Variants in AGPS observed in about 807,000 individuals in gnomAD.
The protein encoded by AGPS is alkyldihydroxyacetonephosphate synthase, peroxisomal.
AGPS carries 26 observed loss-of-function variants against 90.7 expected under a neutral mutation model. The observed-to-expected ratio is 0.29, with a 90% confidence interval of 0.21 to 0.40. The LOEUF (loss-of-function observed/expected upper bound fraction) is 0.40, where lower values mean the gene tolerates loss of function less well. Among genes scored for constraint, AGPS ranks in the 10% least tolerant of loss-of-function variants. The pLI is 1.00. For synonymous variants in AGPS, 294 were observed against 285.3 expected (o/e 1.03, Z -0.31); for missense variants, 540 against 816.1 (o/e 0.66, Z 4.12).
At chr2:177,397,253 A>G (rs533073657) in intron 1 of AGPS, among the ~76,000 whole-genome samples, 4 of 152,038 alleles carry the variant, frequency 2.6e-5, no homozygotes, top group Admixed American at 6.5e-5. Flanking sequence ...AATTACTTCT[A>G]TCCCGGAACA....
At chr2:177,441,311 A>T (rs1297241853) in intron 6 of AGPS, 5 of 374,168 alleles carry the variant, frequency 1.3e-5, no homozygotes, top group African/African-American at 8.4e-5. Flanking sequence ...CTGCTTTAGT[A>T]ATTACTTTTT....
intron 12 of AGPS, 110 bp from the exon 13 acceptor site, chr2:177,497,579 T>C (rs1266191120): frequency 8.5e-6 from 4 of 468,332 alleles, no homozygotes; most frequent in Admixed American, 8.0e-5. Context: ...TTTTAAAAAT[T>C]AAAGTTGTGA....
intron 1 of AGPS, among the ~76,000 whole-genome samples, chr2:177,405,023 C>G (rs1685427869): frequency 6.6e-6 from 1 of 152,028 alleles, no homozygotes; most frequent in African/African-American, 2.4e-5. Context: ...GCCAAAGAAC[C>G]CAAGGGTAAG....
chr2:177,532,412 A>G (rs921094202), intron 19 of AGPS, among the ~76,000 whole-genome samples: 1 of 152,190 alleles, frequency 6.6e-6, no homozygotes, highest in South Asian at 2.1e-4. Context: ...CACAGGAGAT[A>G]TCACTACACA....
chr2:177,420,477 G>A, intron 2 of AGPS, 119 bp downstream of exon 2: 1 of 758,272 alleles, frequency 1.3e-6, no homozygotes, highest in Admixed American at 2.1e-5. Flanking sequence ...TCAACATTTT[G>A]CCATAACTGC....
chr2:177,404,530 A>G (rs1685414276), intron 1 of AGPS, among the ~76,000 whole-genome samples: 1 of 152,116 alleles, frequency 6.6e-6, no homozygotes, highest in African/African-American at 2.4e-5. Flanking sequence ...CACAATACTC[A>G]TTAGTGTACC....
chr2:177,449,476 GC>G (rs1169832428), intron 8 of AGPS, among the ~76,000 whole-genome samples: 1 of 152,220 alleles, frequency 6.6e-6, no homozygotes, highest in Non-Finnish European at 1.5e-5. Context: ...GAGCTGGAGT[GC>G]AGTGGCACGA....
At position 177,468,474 on chromosome 2, in the gene AGPS, C is replaced by G; in HGVS notation, c.1055C>G (p.Pro352Arg). The change falls in exon 10 of 20, where the codon CCT becomes CGT. Residue 352 changes from proline to arginine, a missense_variant. By Grantham distance (103) the Pro-to-Arg change is moderately radical. Coordinates refer to ENST00000264167, the MANE Select transcript of AGPS (RefSeq NM_003659.4). ...ATAATAGAAAAAAGCTGTCAAGGAC[C>G]TCGTATGTCAACAGGCCCTGATATC... ...RGIIEKSCQG[P>R]RMSTGPDIHH... 6.2e-7 allele frequency: 1 copy of G among 1,612,522 alleles called. No individual in the cohort carries two copies. Among genetic ancestry groups the G allele is most frequent in the Non-Finnish European group, 8.5e-7 (1 of 1,179,174 alleles).
At position 177,540,144 on chromosome 2, in the gene AGPS, A is replaced by G. The variant is rs563600280; in HGVS notation, c.*1949A>G. 16 of 151,140 alleles carry G rather than the reference A, an allele frequency of 1.1e-4. 1 individual carries two copies. In the South Asian group the frequency reaches 1.9e-3, roughly 18 times the overall value. 9.4% of individuals were successfully genotyped at this position (151,140 alleles called of 1,614,324 possible). ...AAAAATAAAACAGGTTAATAAGAAG[A>G]TCCATTCCTTTGCATGTGATTGTTA... On this transcript the variant is annotated 3_prime_UTR_variant, in exon 20 of 20. Coordinates refer to ENST00000264167, the MANE Select transcript of AGPS (RefSeq NM_003659.4).
At chr2:177,537,460 C>T (rs1216802051) in intron 19 of AGPS, among the ~76,000 whole-genome samples, 1 of 151,914 alleles carries the variant, frequency 6.6e-6, no homozygotes, top group African/African-American at 2.4e-5. Flanking sequence ...AATTCTAAAT[C>T]TGGAAAAACA....
chr2:177,393,673 G>C (rs1177118015), intron 1 of AGPS: 38 of 645,704 alleles, frequency 5.9e-5, no homozygotes, highest in Non-Finnish European at 7.1e-5. Context: ...TGTGTAACCA[G>C]AAGCTAAAAG....
intron 10 of AGPS, among the ~76,000 whole-genome samples, chr2:177,468,788 AGTG>A (rs573137133): frequency 1.1e-3 from 161 of 152,108 alleles, no homozygotes; most frequent in African/African-American, 2.6e-3. Context: ...TTTCAGGAAA[AGTG>A]GTCATTAGGA....
At chr2:177,438,626 G>T (rs558403130) in intron 5 of AGPS, among the ~76,000 whole-genome samples, 1 of 152,040 alleles carries the variant, frequency 6.6e-6, no homozygotes, top group East Asian at 1.9e-4. Context: ...AAGCCATAAG[G>T]GTTTTCATGC....
At chr2:177,482,719 A>G (rs1427771865) in intron 11 of AGPS, among the ~76,000 whole-genome samples, 1 of 152,154 alleles carries the variant, frequency 6.6e-6, no homozygotes, top group Non-Finnish European at 1.5e-5. Context: ...GCTTAAATTA[A>G]GGAATATACT....
chr2:177,460,199 A>AT (rs2105663828), intron 8 of AGPS, among the ~76,000 whole-genome samples: 1 of 152,312 alleles, frequency 6.6e-6, no homozygotes, highest in South Asian at 2.1e-4. Flanking sequence ...TAACATTAGG[A>AT]GAAATACCTC....
intron 10 of AGPS, among the ~76,000 whole-genome samples, chr2:177,480,455 T>C (rs1687910011): frequency 6.6e-6 from 1 of 152,170 alleles, no homozygotes. Flanking sequence ...GAAACCATCA[T>C]TCTCAGCAAA....
intron 1 of AGPS, among the ~76,000 whole-genome samples, chr2:177,407,007 A>G (rs1685484117): frequency 6.6e-6 from 1 of 152,204 alleles, no homozygotes; most frequent in Non-Finnish European, 1.5e-5. Context: ...TGTGGCCATC[A>G]TTGAGTATAC....
intron 2 of AGPS, among the ~76,000 whole-genome samples, chr2:177,424,325 G>C (rs1029573993): frequency 6.6e-6 from 1 of 152,110 alleles, no homozygotes; most frequent in Admixed American, 6.5e-5. Flanking sequence ...GTATTCCATG[G>C]TGTATATGTA....
At chr2:177,420,131 G>T (rs373479080) in intron 1 of AGPS, 138 bp from the exon 2 acceptor site, 1 of 595,730 alleles carries the variant, frequency 1.7e-6, no homozygotes, top group East Asian at 2.8e-5. Context: ...TTTAATGTGT[G>T]CTAATTTTAT....
Sources: allele counts gnomAD v4.1 joint callset (sites outside exome capture counted in the v4.1 genomes callset), GRCh38; gene constraint gnomAD v4.1.1; transcripts MANE v1.5; gene names NCBI Gene and HGNC (gene_info 2026-07-23, HGNC 2026-07-21).